The following DDX17 variants were observed in gnomAD, a reference collection of about 807,000 sequenced individuals.
DDX17 encodes the protein DEAD-box helicase 17, also known as probable ATP-dependent RNA helicase DDX17.
A neutral mutation model predicts 80.8 loss-of-function variants in DDX17; 10 were observed. The ratio of observed to expected loss-of-function variants is 0.12; its 90% CI spans 0.08 to 0.21. The LOEUF (loss-of-function observed/expected upper bound fraction) is 0.21, where lower values mean the gene tolerates loss of function less well. Ranked by LOEUF, DDX17 falls within the 10% of genes least tolerant of loss-of-function variation. DDX17 has a pLI of 1.00. For synonymous variants in DDX17, 339 were observed against 336.2 expected, an observed-to-expected ratio of 1.01 and a Z score of -0.09; for missense variants, 586 against 957.4, an observed-to-expected ratio of 0.61 and a Z score of 5.12.
Position 38,487,962 on chromosome 22 carries a change from A to G in DDX17, c.1601T>C (p.Ile534Thr). ...CTGATTGGCCTCTTCCAGCACTTTG[A>G]TAAGCTCTCTGGCCTGTTTTAGGTT... The change falls in exon 12 of 13, where the codon ATC becomes ACC. Residue 534 changes from isoleucine to threonine, a missense_variant. Transcript: ENST00000403230. 6.2e-7 allele frequency: 1 copy of G among 1,614,190 alleles called. No individual in the cohort carries two copies. The highest frequency in any genetic ancestry group is 8.5e-7 in the Non-Finnish European group (1 of 1,180,040).
intron 8 of DDX17, 32 bp downstream of exon 8, chr22:38,494,598 A>G: frequency 1.2e-6 from 2 of 1,605,248 alleles, no homozygotes; most frequent in Non-Finnish European, 1.7e-6. Flanking sequence ...GTTTATCAGC[A>G]TTATCAAATC....
intron 5 of DDX17, among the ~76,000 whole-genome samples, chr22:38,497,619 CAAAA>C (rs138449): frequency 6.7e-5 from 5 of 74,888 alleles, no homozygotes; most frequent in African/African-American, 1.7e-4. Context: ...AATATATCTC[CAAAA>C]AAAAAAAAAA....
At chr22:38,504,897 G>GT (rs1489440153) in intron 1 of DDX17, among the ~76,000 whole-genome samples, 3 of 151,598 alleles carry the variant, frequency 2.0e-5, no homozygotes, top group Admixed American at 6.6e-5. Flanking sequence ...GTGGCGTCAC[G>GT]TAACTCTTTG....
chr22:38,504,039 A>G (rs953348504), intron 1 of DDX17, among the ~76,000 whole-genome samples: 4 of 152,236 alleles, frequency 2.6e-5, no homozygotes, highest in Non-Finnish European at 4.4e-5. Flanking sequence ...ATATATGGTG[A>G]AAGGAAATAT....
chr22:38,502,248 C>A (rs1282096153), intron 1 of DDX17, among the ~76,000 whole-genome samples: 1 of 152,074 alleles, frequency 6.6e-6, no homozygotes, highest in East Asian at 1.9e-4. Context: ...CTGTCTCTTA[C>A]TAAAAACACA....
Position 38,487,957 on chromosome 22 carries a change from C to G in DDX17, c.1606G>C (p.Val536Leu), listed in dbSNP as rs2089677152. Reference sequence around the variant, plus strand: ...ATAGCCTGATTGGCCTCTTCCAGCACTTTGATAAGCTCTCTGGCCTGTTTT... The same window carrying G: ...ATAGCCTGATTGGCCTCTTCCAGCAGTTTGATAAGCTCTCTGGCCTGTTTT... Residue 536 changes from valine (V) to leucine (L), a missense_variant, in exon 12 of 13, where the codon GTG becomes CTG. Val to Leu is a conservative substitution (Grantham distance 32). This residue lies in a region of DDX17 where 221 missense variants were observed against 261.4 expected (regional missense o/e 0.85). Transcript: ENST00000403230. 6.2e-7 allele frequency: 1 copy of G among 1,614,104 alleles called. No individual in the cohort carries two copies. Among genetic ancestry groups the G allele is most frequent in the African/African-American group, 1.3e-5 (1 of 74,934 alleles).
intron 11 of DDX17, 94 bp from the exon 12 acceptor site, chr22:38,488,209 AGAT>A: frequency 1.2e-6 from 2 of 1,603,378 alleles, no homozygotes; most frequent in Non-Finnish European, 1.7e-6. Flanking sequence ...GCACGAATGC[AGAT>A]GACAGCAAGA....
In DDX17 at chr22:38,486,266, C is replaced by T; in HGVS notation, c.1859G>A (p.Gly620Glu). 1.2e-6 allele frequency: 2 copies of T among 1,614,198 alleles called. No homozygotes were observed. The highest frequency in any genetic ancestry group is 1.7e-6 in the Non-Finnish European group (2 of 1,180,040). ...TGCTCCAAAGGCAGAATTTGGACTT[C>T]CATAGCCACTGCCATTAGCATAACC... Residue 620 changes from glycine to glutamate, a missense_variant, in exon 13 of 13, where the codon GGA becomes GAA. Transcript: ENST00000403230.
chr22:38,503,620 A>G, intron 1 of DDX17, among the ~76,000 whole-genome samples: 1 of 152,368 alleles, frequency 6.6e-6, no homozygotes, highest in African/African-American at 2.4e-5. Flanking sequence ...ATCTTTAAAT[A>G]CGCACACTGT....
At chr22:38,490,513 TAAA>T (rs2089703333) in intron 11 of DDX17, 1 of 1,193,058 alleles carries the variant, frequency 8.4e-7, no homozygotes, top group African/African-American at 1.6e-5. Flanking sequence ...AAAGGAAAAA[TAAA>T]AAATATCCCA....
intron 5 of DDX17, 75 bp downstream of exon 5, chr22:38,498,010 T>C (rs1294037947): frequency 2.1e-6 from 3 of 1,404,930 alleles, no homozygotes; most frequent in South Asian, 2.4e-5. Flanking sequence ...AAATGGATAA[T>C]GTAAAGCACC....
In DDX17 at chr22:38,484,831, T is replaced by TA. The variant is rs1457159905; in HGVS notation, c.*1103dup. 1 of 152,202 alleles carries TA rather than the reference T, an allele frequency of 6.6e-6. No individual in the cohort carries two copies. The highest frequency in any genetic ancestry group is 1.5e-5 in the Non-Finnish European group (1 of 68,038). 9.4% of individuals were successfully genotyped at this position (152,202 alleles called of 1,614,324 possible). A position where few individuals can be genotyped will look rare whatever the true frequency, so the allele number is the denominator to read the frequency against. ...AAGAAAATCTGCACCCAGAAGCTGT[T>TA]AGAAAGCACTGCAGAGAACAGGGTA... On this transcript the variant is annotated 3_prime_UTR_variant, in exon 13 of 13. Transcript: ENST00000403230.
In DDX17 at chr22:38,483,741, C is replaced by A. The variant is rs1387014877; in HGVS notation, c.*2194G>T. The A allele has an allele frequency of 6.6e-6, 1 of 152,276 alleles. No individual in the cohort carries two copies. Among genetic ancestry groups the A allele is most frequent in the Admixed American group, 6.5e-5 (1 of 15,268 alleles). 9.4% of individuals were successfully genotyped at this position (152,276 alleles called of 1,614,324 possible). ...ATTGCTTAATACATTGGAACCCTTT[C>A]CCTAAGTTGAGTTTCAACCATGAAT... On this transcript the variant is annotated 3_prime_UTR_variant, in exon 13 of 13. Transcript: ENST00000403230.
At position 38,499,515 on chromosome 22, in the gene DDX17, G is replaced by C; in HGVS notation, c.439-16C>G. 1 of 1,564,454 alleles carries C rather than the reference G, an allele frequency of 6.4e-7. No homozygotes were observed. Among genetic ancestry groups the C allele is most frequent in the South Asian group, 1.1e-5 (1 of 89,542 alleles). On this transcript the variant is annotated splice_polypyrimidine_tract_variant and intron_variant, in intron 2 of 12. Coordinates refer to ENST00000403230, the MANE Select transcript of DDX17 (RefSeq NM_006386.5). ...CAACCTCATACTATTGAAAAAAAAT[G>C]AAAGAAGTTAGTAAACTAGTTATTC...
At position 38,493,765 on chromosome 22, in the gene DDX17, T is replaced by C. The variant is rs774569889; in HGVS notation, c.1332A>G (p.Pro444=). ...TCTTGTCTCCATGGATACACATAGC[T>C]GGCCAACTATCAGAAGAAAAGTGAC... Residue 444 remains proline, a synonymous_variant, in exon 10 of 13, where the codon CCA becomes CCG. Transcript: ENST00000403230. The C allele has an allele frequency of 3.9e-5, 63 of 1,613,500 alleles. No individual in the cohort carries two copies. Among genetic ancestry groups the C allele is most frequent in the Non-Finnish European group, 4.9e-5 (58 of 1,179,558 alleles).
intron 11 of DDX17, chr22:38,488,673 C>CT: frequency 1.0e-6 from 1 of 987,806 alleles, no homozygotes; most frequent in Non-Finnish European, 1.2e-6. Flanking sequence ...TAACATTTAA[C>CT]TTTTTTTGCT....
intron 2 of DDX17, 111 bp downstream of exon 2, chr22:38,501,019 C>A: frequency 7.8e-6 from 10 of 1,278,876 alleles, no homozygotes; most frequent in Middle Eastern, 2.7e-4. Flanking sequence ...AGAAAAATAT[C>A]ACCACACTAG....
rs115165929 is a variant in DDX17, at chr22:38,489,939, T to A, written c.1448-1824A>T. 85 of 997,668 alleles carry A rather than the reference T, an allele frequency of 8.5e-5. No homozygotes were observed. The African/African-American group carries it at 1.4e-3, about 17-fold the overall frequency. 61.8% of individuals were successfully genotyped at this position (997,668 alleles called of 1,614,324 possible). ...CATATGACCATGGCAGTAGAACAAGTTCAATTACTACACTGGATGCGTTAA... is the reference window on the plus strand; with the variant it reads ...CATATGACCATGGCAGTAGAACAAGATCAATTACTACACTGGATGCGTTAA... On this transcript the variant is annotated intron_variant, in intron 11 of 12. Transcript: ENST00000403230. The surrounding 1 kb of genome is among the most constrained non-coding windows in gnomAD (Gnocchi z 4.6).
chr22:38,488,267 A>G lies in DDX17; in HGVS notation c.1448-152T>C, dbSNP rs776630960. Reference sequence around the variant, plus strand: ...TAACCACTCTGAACAGAAACAAAAAAAGACTCATCCCAACAGAGTAAAAGA... The same window carrying G: ...TAACCACTCTGAACAGAAACAAAAAGAGACTCATCCCAACAGAGTAAAAGA... On this transcript the variant is annotated intron_variant, in intron 11 of 12. Coordinates refer to ENST00000403230, the MANE Select transcript of DDX17 (RefSeq NM_006386.5). 4 of 1,546,496 alleles carry G rather than the reference A, an allele frequency of 2.6e-6. No individual in the cohort carries two copies. The South Asian group carries it at 3.7e-5, about 14-fold the overall frequency.
Sources: gnomAD v4.1 joint callset for allele counts (sites outside exome capture counted in the v4.1 genomes callset) on GRCh38, gnomAD v4.1.1 for gene constraint, gnomAD v4.1.1 regional missense constraint, Gnocchi (gnomAD v3.1) non-coding constraint, MANE v1.5 for transcripts, NCBI Gene and HGNC (gene_info 2026-07-23, HGNC 2026-07-21) for gene names.